Variants in DLG2 observed in about 807,000 individuals in gnomAD.
DLG2 encodes disks large homolog 2.
A neutral mutation model predicts 132.5 loss-of-function variants in DLG2; 45 were observed. That is an observed-to-expected ratio of 0.34 (90% CI 0.27 to 0.44). The LOEUF is 0.44. Ranked by LOEUF, DLG2 falls within the 20% of genes least tolerant of loss-of-function variation. The pLI, the probability that DLG2 is intolerant of heterozygous loss-of-function variation, is 1.00. For missense variants in DLG2, 1,045 were observed against 1,196.9 expected, an observed-to-expected ratio of 0.87 and a Z score of 1.87; for synonymous variants, 424 against 419.6, an observed-to-expected ratio of 1.01 and a Z score of -0.13.
chr11:83,721,864 G>C (rs2088669487), intron 18 of DLG2, among the ~76,000 whole-genome samples: 2 of 152,116 alleles, frequency 1.3e-5, no homozygotes, highest in South Asian at 4.1e-4. Context: ...CAGAGAATAT[G>C]ATACTGGCAA....
At chr11:85,298,636 C>G (rs2152786895) in intron 3 of DLG2, among the ~76,000 whole-genome samples, 1 of 152,218 alleles carries the variant, frequency 6.6e-6, no homozygotes, top group South Asian at 2.1e-4. Context: ...GCACATCTAA[C>G]TGGGACATCT....
chr11:83,825,165 ATATATATTTTTTTT>A (rs2052257402), intron 17 of DLG2, among the ~76,000 whole-genome samples: 1 of 95,074 alleles, frequency 1.1e-5, no homozygotes, highest in African/African-American at 5.0e-5. Context: ...ATATATATAT[ATATATATTTTTTTT>A]TTTTTTTTTT....
At chr11:85,187,258 A>C (rs2080181333) in intron 4 of DLG2, among the ~76,000 whole-genome samples, 1 of 152,152 alleles carries the variant, frequency 6.6e-6, no homozygotes, top group Non-Finnish European at 1.5e-5. Context: ...GAAGAAAAAC[A>C]TCAGGGAATG....
Position 84,704,546 on chromosome 11 carries a change from T to C in DLG2, c.358-169815A>G, listed in dbSNP as rs558605453. Among the ~76,000 whole-genome samples, 23 of 151,626 alleles carry C rather than the reference T, an allele frequency of 1.5e-4. No individual in the cohort carries two copies. The South Asian group carries it at 4.2e-3, about 27-fold the overall frequency. ...AGCACCTACTATGTGTGAGGTATCA[T>C]ACTGAAAATTAGAGGTAAAGATATA... On this transcript the variant is annotated intron_variant, in intron 6 of 27. Coordinates refer to ENST00000376104, the MANE Select transcript of DLG2 (RefSeq NM_001142699.3).
At chr11:84,814,130 T>C (rs2076853552) in intron 6 of DLG2, among the ~76,000 whole-genome samples, 1 of 152,054 alleles carries the variant, frequency 6.6e-6, no homozygotes, top group Non-Finnish European at 1.5e-5. Flanking sequence ...TTACATTTGT[T>C]TCTCATTTTC....
chr11:85,441,900 T>C lies in DLG2; in HGVS notation c.41-156535A>G, dbSNP rs555897245. Among the ~76,000 whole-genome samples the C allele has an allele frequency of 1.8e-3, 275 of 151,676 alleles. 2 individuals carry two copies. The highest frequency in any genetic ancestry group is 2.9e-3 in the Non-Finnish European group (198 of 67,884). ...AAATAGTAATATGATAGAGCACAAG[T>C]GGAAGATGTAAGGATAGCTAAGTAG... On this transcript the variant is annotated intron_variant, in intron 3 of 27. Coordinates refer to ENST00000376104, the MANE Select transcript of DLG2 (RefSeq NM_001142699.3).
intron 5 of DLG2, among the ~76,000 whole-genome samples, chr11:85,132,507 G>A (rs182466460): frequency 5.7e-4 from 86 of 150,330 alleles, no homozygotes; most frequent in African/African-American, 2.1e-3. Context: ...AGCAAATCCT[G>A]CCATAAAAAA....
At chr11:83,573,801 C>T (rs1392427837) in intron 19 of DLG2, among the ~76,000 whole-genome samples, 1 of 152,050 alleles carries the variant, frequency 6.6e-6, no homozygotes, top group African/African-American at 2.4e-5. Flanking sequence ...AAGTTTGTCC[C>T]CCAATACAGG....
intron 6 of DLG2, among the ~76,000 whole-genome samples, chr11:85,051,352 T>C (rs891038389): frequency 4.6e-5 from 7 of 152,170 alleles, no homozygotes; most frequent in Non-Finnish European, 8.8e-5. Flanking sequence ...TGATTACTTA[T>C]CAAATTATTC....
At position 84,912,317 on chromosome 11, in the gene DLG2, G is replaced by A. The variant is rs1392112703; in HGVS notation, c.357+199344C>T. On this transcript the variant is annotated intron_variant, in intron 6 of 27. Coordinates refer to ENST00000376104, the MANE Select transcript of DLG2 (RefSeq NM_001142699.3). ...CCTACAGGCACCCGCCACCACGCCC[G>A]GCTACTTTTTTGTATTTTTTGGTAG... Among the ~76,000 whole-genome samples the A allele has an allele frequency of 3.3e-5, 5 of 152,138 alleles. No homozygotes were observed. In the East Asian group the frequency reaches 9.7e-4, roughly 30 times the overall value.
Position 85,281,733 on chromosome 11 carries a change from T to C in DLG2, c.186+3487A>G, listed in dbSNP as rs562548320. On this transcript the variant is annotated intron_variant, in intron 4 of 27. Coordinates refer to ENST00000376104, the MANE Select transcript of DLG2 (RefSeq NM_001142699.3). ...CGGATGCTGGTGAGGATGTGGAGAATGGGGAACCCTTGTACACTGTTGGCA... is the reference window on the plus strand; with the variant it reads ...CGGATGCTGGTGAGGATGTGGAGAACGGGGAACCCTTGTACACTGTTGGCA... Among the ~76,000 whole-genome samples the C allele has an allele frequency of 6.6e-5, 10 of 152,060 alleles. No individual in the cohort carries two copies. The South Asian group carries it at 1.2e-3, about 19-fold the overall frequency.
intron 3 of DLG2, among the ~76,000 whole-genome samples, chr11:85,463,094 A>G (rs2092670047): frequency 6.6e-6 from 1 of 152,208 alleles, no homozygotes; most frequent in Non-Finnish European, 1.5e-5. Context: ...CTGAGAGAAA[A>G]TAAACTGTTG....
chr11:85,497,630 T>C (rs1199675566), intron 3 of DLG2, among the ~76,000 whole-genome samples: 1 of 151,966 alleles, frequency 6.6e-6, no homozygotes, highest in Non-Finnish European at 1.5e-5. Context: ...AAATTGTCAA[T>C]TTCACCAAGG....
At chr11:83,995,863 T>A (rs2093995070) in intron 11 of DLG2, among the ~76,000 whole-genome samples, 1 of 152,172 alleles carries the variant, frequency 6.6e-6, no homozygotes, top group Non-Finnish European at 1.5e-5. Context: ...CCTGAAACCA[T>A]GAAACTACTC....
intron 6 of DLG2, among the ~76,000 whole-genome samples, chr11:84,970,970 A>G (rs1183792168): frequency 1.3e-5 from 2 of 152,158 alleles, no homozygotes; most frequent in Non-Finnish European, 2.9e-5. Context: ...GATGCATGAG[A>G]ATTGTAATTC....
chr11:85,161,128 G>T (rs543838566), intron 4 of DLG2, among the ~76,000 whole-genome samples: 2 of 152,170 alleles, frequency 1.3e-5, no homozygotes, highest in Non-Finnish European at 2.9e-5. Flanking sequence ...GTCAAAAACC[G>T]TGAAGATATT....
At position 84,524,855 on chromosome 11, in the gene DLG2, T is replaced by A. The variant is rs866725595; in HGVS notation, c.519+9715A>T. 3.0e-3 allele frequency among the ~76,000 whole-genome samples: 454 copies of A among 152,100 alleles called. 1 individual carries two copies. Among genetic ancestry groups the A allele is most frequent in the African/African-American group, 0.01 (417 of 41,518 alleles). ...ATGTAACTCATAGGGTATTTCTTTT[T>A]TTTTTTTTTTTAAATTAATCAAATA... On this transcript the variant is annotated intron_variant, in intron 7 of 27. Coordinates refer to ENST00000376104, the MANE Select transcript of DLG2 (RefSeq NM_001142699.3).
At chr11:85,199,488 T>G (rs920381426) in intron 4 of DLG2, among the ~76,000 whole-genome samples, 9 of 152,226 alleles carry the variant, frequency 5.9e-5, no homozygotes, top group African/African-American at 2.2e-4. Context: ...TCAAAGTTCA[T>G]TGAACCAAGC....
intron 6 of DLG2, among the ~76,000 whole-genome samples, chr11:84,578,602 C>A (rs142802106): frequency 6.6e-6 from 1 of 152,164 alleles, no homozygotes; most frequent in Non-Finnish European, 1.5e-5. Flanking sequence ...TGTATTTACC[C>A]AATACCTGCA....
Sources: gnomAD v4.1 joint callset for allele counts (sites outside exome capture counted in the v4.1 genomes callset) on GRCh38, gnomAD v4.1.1 for gene constraint, MANE v1.5 for transcripts, NCBI Gene and HGNC (gene_info 2026-07-23, HGNC 2026-07-21) for gene names.